The following PRKN variants were observed in gnomAD, a reference collection of about 807,000 sequenced individuals.
The protein encoded by PRKN is E3 ubiquitin-protein ligase parkin.
PRKN carries 56 observed loss-of-function variants against 59.5 expected under a neutral mutation model. The ratio of observed to expected loss-of-function variants is 0.94; its 90% CI spans 0.76 to 1.18. The LOEUF is 1.18. Ranked by LOEUF, PRKN falls within the 50% of genes most tolerant of loss-of-function variation. The pLI, the probability that PRKN is intolerant of heterozygous loss-of-function variation, is 0.00. For synonymous variants in PRKN, 250 were observed against 222.1 expected, an observed-to-expected ratio of 1.13 and a Z score of -1.12; for missense variants, 657 against 596.4, an observed-to-expected ratio of 1.10 and a Z score of -1.06.
intron 6 of PRKN, among the ~76,000 whole-genome samples, chr6:161,853,025 G>T (rs1793501154): frequency 6.6e-6 from 1 of 152,086 alleles, no homozygotes; most frequent in South Asian, 2.1e-4. Context: ...AAGAGACACT[G>T]GGATTTTCCT....
rs1030964785 is a variant in PRKN, at chr6:161,349,542, A to T, written c.*557T>A. On this transcript the variant is annotated 3_prime_UTR_variant, in exon 12 of 12. Transcript: ENST00000366898. The surrounding 1 kb of genome is among the most constrained non-coding windows in gnomAD (Gnocchi z 5.5). ...ATTGCCTGGGGTTCTTTGGGAATAG[A>T]TGCTTTCTGAAAATTTAAATAAGAA... 1 of 234,774 alleles carries T rather than the reference A, an allele frequency of 4.3e-6. No individual in the cohort carries two copies. The highest frequency in any genetic ancestry group is 2.2e-5 in the African/African-American group (1 of 45,350). 14.5% of individuals were successfully genotyped at this position (234,774 alleles called of 1,614,324 possible).
Position 161,957,432 on chromosome 6 carries a change from G to GTTTTT in PRKN, c.734+15869_734+15870insAAAAA, listed in dbSNP as rs759971034. ...TTGTTTTTTTTTTGTTTGTTTGTTT[G>GTTTTT]TTTGTTTTTTTGAGCCAGAGTCTCA... is the stretch of plus-strand genomic sequence containing the variant. On this transcript the variant is annotated intron_variant, in intron 6 of 11. Coordinates refer to ENST00000366898, the MANE Select transcript of PRKN (RefSeq NM_004562.3). Among the ~76,000 whole-genome samples, 274 of 112,894 alleles carry GTTTTT rather than the reference G, an allele frequency of 2.4e-3. 3 individuals are homozygous for GTTTTT. The highest frequency in any genetic ancestry group is 0.019 in the East Asian group (75 of 3,880). 74.1% of individuals were successfully genotyped at this position (112,894 alleles called of 152,430 possible).
At chr6:162,229,648 T>C (rs1484352424) in intron 3 of PRKN, among the ~76,000 whole-genome samples, 2 of 152,190 alleles carry the variant, frequency 1.3e-5, no homozygotes, top group African/African-American at 4.8e-5. Context: ...TACATCTACA[T>C]ACACCAAACT....
chr6:162,035,158 G>A (rs1783790806), intron 5 of PRKN, among the ~76,000 whole-genome samples: 1 of 90,426 alleles, frequency 1.1e-5, no homozygotes, highest in Non-Finnish European at 2.0e-5. Context: ...GCCCAGGCCA[G>A]AGAGAGATAT....
intron 4 of PRKN, among the ~76,000 whole-genome samples, chr6:162,114,165 T>G (rs2128303288): frequency 6.6e-6 from 1 of 152,270 alleles, no homozygotes; most frequent in Non-Finnish European, 1.5e-5. Flanking sequence ...TCCAGCTTTG[T>G]TCTTTTGGCT....
intron 1 of PRKN, among the ~76,000 whole-genome samples, chr6:162,629,529 G>C (rs1346034116): frequency 6.6e-6 from 1 of 151,982 alleles, no homozygotes; most frequent in Non-Finnish European, 1.5e-5. Flanking sequence ...TATATTTAAA[G>C]GAATGATGCT....
chr6:162,439,187 G>A (rs1364899547), intron 2 of PRKN, among the ~76,000 whole-genome samples: 1 of 152,096 alleles, frequency 6.6e-6, no homozygotes. Flanking sequence ...GTTGCATTTG[G>A]CTGGAGTAGA....
At chr6:161,996,174 G>A (rs1335201627) in intron 5 of PRKN, among the ~76,000 whole-genome samples, 2 of 104,490 alleles carry the variant, frequency 1.9e-5, no homozygotes, top group Non-Finnish European at 4.1e-5. Context: ...AACGTGGTGT[G>A]TACACACACA....
At chr6:161,572,462 C>A (rs1208168468) in intron 7 of PRKN, among the ~76,000 whole-genome samples, 6 of 151,896 alleles carry the variant, frequency 4.0e-5, no homozygotes, top group African/African-American at 1.2e-4. Flanking sequence ...GAGTTTGAGA[C>A]CAGCCTGGCC....
intron 3 of PRKN, among the ~76,000 whole-genome samples, chr6:162,222,504 G>A (rs925489521): frequency 1.3e-5 from 2 of 152,190 alleles, no homozygotes; most frequent in African/African-American, 2.4e-5. Context: ...ATGGCTGACA[G>A]CCAGCAAGAA....
intron 7 of PRKN, among the ~76,000 whole-genome samples, chr6:161,777,209 T>C (rs1039890749): frequency 2.6e-5 from 4 of 152,190 alleles, no homozygotes. Flanking sequence ...AATGGCACCA[T>C]ATTTATAGTA....
chr6:162,088,445 T>C (rs912523367), intron 4 of PRKN, among the ~76,000 whole-genome samples: 2 of 152,214 alleles, frequency 1.3e-5, no homozygotes, highest in African/African-American at 2.4e-5. Context: ...AAGCTACTTG[T>C]TATATCTTTC....
At chr6:162,410,069 C>T (rs1477124147) in intron 2 of PRKN, among the ~76,000 whole-genome samples, 1 of 152,194 alleles carries the variant, frequency 6.6e-6, no homozygotes, top group Admixed American at 6.5e-5. Context: ...ATCAGCTGCA[C>T]AATCTAGGCA....
At chr6:162,354,884 C>T (rs966675025) in intron 2 of PRKN, among the ~76,000 whole-genome samples, 4 of 151,688 alleles carry the variant, frequency 2.6e-5, no homozygotes, top group African/African-American at 9.7e-5. Flanking sequence ...TGCAGTTATC[C>T]TTATTTGGAG....
intron 7 of PRKN, among the ~76,000 whole-genome samples, chr6:161,654,781 TG>T (rs1285992234): frequency 6.6e-6 from 1 of 152,018 alleles, no homozygotes; most frequent in Non-Finnish European, 1.5e-5. Flanking sequence ...TGGCTTCCCA[TG>T]GAGAGAAGGA....
intron 6 of PRKN, among the ~76,000 whole-genome samples, chr6:161,897,364 G>A (rs6455782): frequency 0.51 from 76,962 of 151,926 alleles, 21,045 homozygotes; most frequent in African/African-American, 0.72. Context: ...CAGATATGCG[G>A]TCACCTTATT....
At chr6:161,822,674 A>C (rs75424694) in intron 6 of PRKN, among the ~76,000 whole-genome samples, 50 of 148,866 alleles carry the variant, frequency 3.4e-4, no homozygotes, top group African/African-American at 1.1e-3. Context: ...AAACGCTGTC[A>C]AAAAAAAAAG....
intron 11 of PRKN, among the ~76,000 whole-genome samples, chr6:161,350,833 A>C (rs1784509343): frequency 1.2e-5 from 1 of 82,234 alleles, no homozygotes; most frequent in Non-Finnish European, 2.0e-5. Flanking sequence ...TATTTAAAAT[A>C]TATATATTTT....
At chr6:162,619,710 TCACACA>T (rs56144864) in intron 1 of PRKN, among the ~76,000 whole-genome samples, 3 of 150,374 alleles carry the variant, frequency 2.0e-5, no homozygotes, top group Admixed American at 6.6e-5. Flanking sequence ...CTTTTTCCAC[TCACACA>T]CACACACACA....
Sources: gnomAD v4.1 joint callset for allele counts (sites outside exome capture counted in the v4.1 genomes callset) on GRCh38, gnomAD v4.1.1 for gene constraint, Gnocchi (gnomAD v3.1) non-coding constraint, MANE v1.5 for transcripts, NCBI Gene and HGNC (gene_info 2026-07-23, HGNC 2026-07-21) for gene names.